PDZD2: variants seen among roughly 807,000 people sequenced by gnomAD.
PDZD2 encodes the protein PDZ domain-containing protein 2.
PDZD2 carries 90 observed loss-of-function variants against 220.7 expected under a neutral mutation model. The observed-to-expected ratio is 0.41, with a 90% confidence interval of 0.34 to 0.49. PDZD2 has a LOEUF of 0.49. Among genes scored for constraint, PDZD2 ranks in the 20% least tolerant of loss-of-function variants. The probability of loss-of-function intolerance (pLI) is 0.28; values close to 1 mark genes in which losing one functional copy is unlikely to be tolerated. For synonymous variants in PDZD2, 1,375 were observed against 1,450.5 expected (o/e 0.95, Z 1.18); for missense variants, 3,174 against 3,608.5 (o/e 0.88, Z 3.08).
At chr5:32,036,751 T>TAGA (rs1468031336) in intron 6 of PDZD2, among the ~76,000 whole-genome samples, 1 of 152,272 alleles carries the variant, frequency 6.6e-6, no homozygotes, top group Non-Finnish European at 1.5e-5. Flanking sequence ...ATTTTTACTG[T>TAGA]ATTTTAGAAA....
At chr5:31,913,423 C>G in intron 2 of PDZD2, among the ~76,000 whole-genome samples, 1 of 151,884 alleles carries the variant, frequency 6.6e-6, no homozygotes. Flanking sequence ...CTGAGGACTT[C>G]AGGCAAATTG....
intron 2 of PDZD2, among the ~76,000 whole-genome samples, chr5:31,916,609 G>C (rs1277144163): frequency 6.6e-6 from 1 of 152,214 alleles, no homozygotes; most frequent in Non-Finnish European, 1.5e-5. Flanking sequence ...GCTTGCCCTG[G>C]CTCGAGTGTC....
chr5:31,887,273 G>T (rs117601970), intron 2 of PDZD2, among the ~76,000 whole-genome samples: 1 of 152,080 alleles, frequency 6.6e-6, no homozygotes, highest in Admixed American at 6.6e-5. Flanking sequence ...ACACAAAATC[G>T]ATATGTAGTG....
rs546964433 is a variant in PDZD2, at chr5:31,809,140, C to A, written c.476+9416C>A. ...CAACAAGAGTGTAGCTTATAGCTGC[C>A]TCCTAAGAGTGTGGCGATGGCCATT... On this transcript the variant is annotated intron_variant, in intron 2 of 24. Coordinates refer to ENST00000438447, the MANE Select transcript of PDZD2 (RefSeq NM_178140.4). 2.0e-5 allele frequency among the ~76,000 whole-genome samples: 3 copies of A among 152,260 alleles called. No homozygotes were observed. The East Asian group carries it at 5.8e-4, about 29-fold the overall frequency.
chr5:31,920,684 T>C (rs1037540782), intron 2 of PDZD2, among the ~76,000 whole-genome samples: 1 of 152,124 alleles, frequency 6.6e-6, no homozygotes, highest in Non-Finnish European at 1.5e-5. Flanking sequence ...TGGTGGTGTG[T>C]ATAATGACAC....
chr5:32,008,690 G>A (rs988661996), intron 5 of PDZD2, among the ~76,000 whole-genome samples: 1 of 152,214 alleles, frequency 6.6e-6, no homozygotes, highest in Non-Finnish European at 1.5e-5. Flanking sequence ...GGACACAGCA[G>A]TGAATGGAAA....
chr5:31,766,979 G>A (rs866048399), intron 1 of PDZD2, among the ~76,000 whole-genome samples: 4 of 141,488 alleles, frequency 2.8e-5, no homozygotes, highest in African/African-American at 5.4e-5. Flanking sequence ...CCACCCACCT[G>A]CCTCCCAAAG....
chr5:31,921,971 G>A (rs900822732), intron 2 of PDZD2, among the ~76,000 whole-genome samples: 1 of 152,116 alleles, frequency 6.6e-6, no homozygotes, highest in Non-Finnish European at 1.5e-5. Flanking sequence ...CATTGTTACA[G>A]GCCAGCCAGC....
intron 19 of PDZD2, among the ~76,000 whole-genome samples, chr5:32,078,811 A>T (rs1741608374): frequency 6.6e-6 from 1 of 151,156 alleles, no homozygotes; most frequent in African/African-American, 2.4e-5. Flanking sequence ...TCTCTGGGAA[A>T]AAAAAAAAAG....
chr5:31,736,146 A>G (rs1166744098), intron 1 of PDZD2, among the ~76,000 whole-genome samples: 1 of 152,200 alleles, frequency 6.6e-6, no homozygotes, highest in Non-Finnish European at 1.5e-5. Context: ...ACTGGGTGGA[A>G]AATATTCTTC....
At chr5:31,744,645 T>C (rs56939011) in intron 1 of PDZD2, among the ~76,000 whole-genome samples, 6,796 of 152,288 alleles carry the variant, frequency 0.045, 163 homozygotes, top group Middle Eastern at 0.17. Context: ...GTAAAAACAC[T>C]GTATTCTCTT....
intron 2 of PDZD2, among the ~76,000 whole-genome samples, chr5:31,830,927 T>A (rs142225285): frequency 0.015 from 2,215 of 152,250 alleles, 32 homozygotes; most frequent in Non-Finnish European, 0.021. Flanking sequence ...CAGCAAGCAG[T>A]GACATTCTGA....
intron 2 of PDZD2, among the ~76,000 whole-genome samples, chr5:31,820,916 A>T (rs1209252488): frequency 6.6e-6 from 1 of 151,328 alleles, no homozygotes; most frequent in African/African-American, 2.4e-5. Context: ...ATTTTGCCCT[A>T]ATTTTTTTTT....
chr5:31,661,172 C>T (rs983805020), intron 1 of PDZD2, among the ~76,000 whole-genome samples: 5 of 152,148 alleles, frequency 3.3e-5, no homozygotes, highest in African/African-American at 1.2e-4. Flanking sequence ...AAATGCAGGT[C>T]CTGGCTTCGG....
chr5:31,892,139 G>A (rs1741105908), intron 2 of PDZD2, among the ~76,000 whole-genome samples: 1 of 151,594 alleles, frequency 6.6e-6, no homozygotes, highest in African/African-American at 2.4e-5. Flanking sequence ...GAACTCCTGG[G>A]GTTCAAGCAT....
chr5:32,102,792 A>C (rs1363119582), intron 24 of PDZD2, among the ~76,000 whole-genome samples: 1 of 152,158 alleles, frequency 6.6e-6, no homozygotes, highest in Non-Finnish European at 1.5e-5. Flanking sequence ...ATGTAAAAAA[A>C]ACAAAATGCA....
At chr5:32,051,700 T>G (rs1433400195) in intron 8 of PDZD2, among the ~76,000 whole-genome samples, 3 of 152,158 alleles carry the variant, frequency 2.0e-5, no homozygotes, top group African/African-American at 7.2e-5. Flanking sequence ...AGATTGGAGC[T>G]GCTGCGTGTC....
intron 2 of PDZD2, among the ~76,000 whole-genome samples, chr5:31,921,382 A>AC (rs1410343350): frequency 1.3e-5 from 2 of 151,786 alleles, no homozygotes; most frequent in East Asian, 3.9e-4. Flanking sequence ...TACAGGTAAA[A>AC]AAAAACTTGA....
Position 31,949,838 on chromosome 5 carries a change from ATT to A in PDZD2, c.477-33300_477-33299del, listed in dbSNP as rs5867122. ...CAGGCATGCGCTACCACACCAGCTA[ATT>A]TTTTTTTTTTTTTTTTAATTTTTAG... On this transcript the variant is annotated intron_variant, in intron 2 of 24. Transcript: ENST00000438447. 9.6e-3 allele frequency among the ~76,000 whole-genome samples: 1,331 copies of A among 139,308 alleles called. 7 individuals are homozygous for A. Among genetic ancestry groups the A allele is most frequent in the Middle Eastern group, 0.018 (5 of 284 alleles). 91.4% of individuals were successfully genotyped at this position (139,308 alleles called of 152,430 possible). A position where few individuals can be genotyped will look rare whatever the true frequency, so the allele number is the denominator to read the frequency against.
Sources: gnomAD v4.1 joint callset for allele counts (sites outside exome capture counted in the v4.1 genomes callset) on GRCh38, gnomAD v4.1.1 for gene constraint, MANE v1.5 for transcripts, NCBI Gene and HGNC (gene_info 2026-07-23, HGNC 2026-07-21) for gene names.